The following MAOB variants were observed in gnomAD, a reference collection of about 807,000 sequenced individuals.
MAOB encodes monoamine oxidase B, also known as amine oxidase [flavin-containing] B.
In MAOB, 15 loss-of-function variants were observed where a neutral mutation model predicts 41.9. The ratio of observed to expected loss-of-function variants is 0.36; its 90% CI spans 0.24 to 0.55. The LOEUF (loss-of-function observed/expected upper bound fraction) is 0.55, where lower values mean the gene tolerates loss of function less well. Ranked by LOEUF, MAOB falls within the 20% of genes least tolerant of loss-of-function variation. The pLI is 0.86. For synonymous variants in MAOB, 167 were observed against 144.2 expected (o/e 1.16, Z -1.13); for missense variants, 345 against 398.7 (o/e 0.87, Z 1.15).
chrX:43,778,212 T>A (rs1013794483), intron 11 of MAOB, among the ~76,000 whole-genome samples: 1 of 111,225 alleles, frequency 9.0e-6, no homozygotes, highest in African/African-American at 3.3e-5. Flanking sequence ...ATTTTTTTAC[T>A]GTGAGACAGT....
chrX:43,857,112 TATATAG>T (rs1200120662), intron 1 of MAOB, among the ~76,000 whole-genome samples: 47 of 14,987 alleles, frequency 3.1e-3, no homozygotes, highest in South Asian at 0.014. Context: ...TATATATATA[TATATAG>T]AGAGAGAGAG....
At position 43,861,856 on chromosome X, in the gene MAOB, CGTGTGTGTGTGTGT is replaced by C. The variant is rs112289658; in HGVS notation, c.47-18106_47-18093del. Among the ~76,000 whole-genome samples the C allele has an allele frequency of 1.9e-4, 20 of 103,177 alleles. No individual in the cohort carries two copies. The East Asian group carries it at 2.1e-3, about 11-fold the overall frequency. 89.6% of individuals were successfully genotyped at this position (103,177 alleles called of 115,157 possible). On this transcript the variant is annotated intron_variant, in intron 1 of 14. Coordinates refer to ENST00000378069, the MANE Select transcript of MAOB (RefSeq NM_000898.5). ...TTTTAGCATTATGCTCCAGCTGAAA[CGTGTGTGTGTGTGT>C]GTGTGTGTGTGTGTGTCTATTTTTA...
At chrX:43,880,089 A>C (rs1363386197) in intron 1 of MAOB, among the ~76,000 whole-genome samples, 1 of 112,271 alleles carries the variant, frequency 8.9e-6, no homozygotes, top group Non-Finnish European at 1.9e-5. Flanking sequence ...CATATGCCAA[A>C]GAGTAGTAAT....
At chrX:43,791,136 A>T (rs181981939) in intron 8 of MAOB, among the ~76,000 whole-genome samples, 9 of 112,006 alleles carry the variant, frequency 8.0e-5, no homozygotes, top group African/African-American at 2.9e-4. Flanking sequence ...ACAGTAGATT[A>T]CTTGCCCAAC....
intron 10 of MAOB, among the ~76,000 whole-genome samples, chrX:43,780,017 C>T (rs868602109): frequency 9.0e-6 from 1 of 111,347 alleles, no homozygotes; most frequent in Non-Finnish European, 1.9e-5. Flanking sequence ...ATTTTCAGCC[C>T]CTGGGTTATA....
At chrX:43,801,967 G>A (rs1000055494) in intron 5 of MAOB, among the ~76,000 whole-genome samples, 2 of 112,994 alleles carry the variant, frequency 1.8e-5, no homozygotes, top group African/African-American at 6.4e-5. Flanking sequence ...CCACCTTTGT[G>A]ATACAAAACT....
intron 11 of MAOB, among the ~76,000 whole-genome samples, chrX:43,776,716 C>T (rs1325611734): frequency 1.8e-5 from 2 of 108,328 alleles, no homozygotes; most frequent in Non-Finnish European, 3.8e-5. Context: ...CCCAGTAACT[C>T]GTCATTTAAC....
At chrX:43,843,115 G>C (rs974330440) in intron 2 of MAOB, among the ~76,000 whole-genome samples, 1 of 110,786 alleles carries the variant, frequency 9.0e-6, no homozygotes, top group Non-Finnish European at 1.9e-5. Flanking sequence ...AATTTAGCTT[G>C]ATTTAATCAC....
At chrX:43,851,133 A>G (rs1457484908) in intron 1 of MAOB, among the ~76,000 whole-genome samples, 1 of 111,861 alleles carries the variant, frequency 8.9e-6, no homozygotes, top group Admixed American at 9.5e-5. Flanking sequence ...AAAGGAATCA[A>G]ACCCAGAAAT....
At chrX:43,881,101 G>A (rs943113094) in intron 1 of MAOB, among the ~76,000 whole-genome samples, 6 of 113,257 alleles carry the variant, frequency 5.3e-5, no homozygotes, top group South Asian at 3.6e-4. Flanking sequence ...ACCAGAGCCT[G>A]CTAGACAGAT....
intron 5 of MAOB, among the ~76,000 whole-genome samples, chrX:43,798,949 C>T (rs1405219912): frequency 1.8e-5 from 2 of 111,573 alleles, no homozygotes; most frequent in Non-Finnish European, 3.8e-5. Context: ...CAAGTCAGAT[C>T]GTACTTGACG....
chrX:43,826,751 C>T (rs113576052), intron 3 of MAOB, among the ~76,000 whole-genome samples: 124 of 110,721 alleles, frequency 1.1e-3, no homozygotes, highest in African/African-American at 3.8e-3. Flanking sequence ...TCCACTTCTC[C>T]GATGACAGAC....
intron 3 of MAOB, 36 bp downstream of exon 3, chrX:43,838,832 A>G: frequency 8.8e-7 from 1 of 1,134,131 alleles, no homozygotes; most frequent in Non-Finnish European, 1.2e-6. Context: ...ATCATAGAGA[A>G]GTTTTCAAAT....
At chrX:43,873,007 T>C (rs2035417764) in intron 1 of MAOB, among the ~76,000 whole-genome samples, 1 of 112,608 alleles carries the variant, frequency 8.9e-6, no homozygotes, top group Admixed American at 9.4e-5. Flanking sequence ...TGGAATGTGA[T>C]TGCATCTTTC....
chrX:43,870,126 G>T (rs2035391313), intron 1 of MAOB, among the ~76,000 whole-genome samples: 4 of 112,299 alleles, frequency 3.6e-5, no homozygotes, highest in African/African-American at 1.3e-4. Flanking sequence ...ATTTTTCCAA[G>T]AACCCAGAAT....
rs1215105616 is a variant in MAOB at position 43,767,162 on chromosome X, T to C, written c.*304A>G. On this transcript the variant is annotated 3_prime_UTR_variant, in exon 15 of 15. Coordinates refer to ENST00000378069, the MANE Select transcript of MAOB (RefSeq NM_000898.5). ...TAGGAAAAAATTCATTCCTTGTGCA[T>C]GGGCAAGGTGTGTTGTGGGGCAGCA... The C allele has an allele frequency of 1.2e-5, 3 of 254,046 alleles. No homozygotes were observed. Among genetic ancestry groups the C allele is most frequent in the Non-Finnish European group, 1.4e-5 (2 of 143,753 alleles). The allele number at this position is 254,046 out of a possible 1,213,427, so 20.9% of individuals were successfully genotyped here. A position where few individuals can be genotyped will look rare whatever the true frequency, so the allele number is the denominator to read the frequency against.
chrX:43,796,077 T>A lies in MAOB; in HGVS notation c.619-189A>T, dbSNP rs149109002. Among the ~76,000 whole-genome samples, 7 of 112,244 alleles carry A rather than the reference T, an allele frequency of 6.2e-5. No individual in the cohort carries two copies. In the East Asian group the frequency reaches 2.0e-3, roughly 32 times the overall value. On this transcript the variant is annotated intron_variant, in intron 6 of 14. Coordinates refer to ENST00000378069, the MANE Select transcript of MAOB (RefSeq NM_000898.5). ...GGACAAAGTTACAGGATTTCTAAGT[T>A]ACTTTACAAGCTATGCTCTTGTAGA...
chrX:43,866,917 A>G (rs1448971104), intron 1 of MAOB, among the ~76,000 whole-genome samples: 2 of 112,244 alleles, frequency 1.8e-5, no homozygotes, highest in Non-Finnish European at 3.8e-5. Flanking sequence ...TGTGGAACAC[A>G]CTTTAGCTAT....
chrX:43,810,215 C>T (rs1355519333), intron 3 of MAOB, among the ~76,000 whole-genome samples: 2 of 76,742 alleles, frequency 2.6e-5, no homozygotes, highest in East Asian at 7.7e-4. Context: ...TGCACTCCAG[C>T]CTGGGCGACA....
Sources: gnomAD v4.1 joint callset for allele counts (sites outside exome capture counted in the v4.1 genomes callset) on GRCh38, gnomAD v4.1.1 for gene constraint, MANE v1.5 for transcripts, NCBI Gene and HGNC (gene_info 2026-07-23, HGNC 2026-07-21) for gene names.